Variants in UBE3D observed in about 807,000 individuals in gnomAD.
UBE3D encodes ubiquitin protein ligase E3D, also known as E3 ubiquitin-protein ligase E3D.
In UBE3D, 48 loss-of-function variants were observed where a neutral mutation model predicts 49.6. That is an observed-to-expected ratio of 0.97 (90% CI 0.77 to 1.23). The LOEUF (loss-of-function observed/expected upper bound fraction) is 1.23, where lower values mean the gene tolerates loss of function less well. UBE3D is among the 50% of genes most tolerant of loss of function. UBE3D has a pLI of 0.00. For missense variants in UBE3D, 452 were observed against 468.4 expected (o/e 0.96, Z 0.32); for synonymous variants, 189 against 174.2 (o/e 1.08, Z -0.67).
intron 5 of UBE3D, chr6:83,037,391 A>G (rs1048101269): frequency 3.3e-5 from 5 of 152,216 alleles, no homozygotes; most frequent in African/African-American, 9.7e-5. Flanking sequence ...TGACATTTTA[A>G]CAGGACTTCA....
downstream of UBE3D, among the ~76,000 whole-genome samples, chr6:82,890,989 C>G (rs891571236): frequency 6.6e-6 from 1 of 151,368 alleles, no homozygotes; most frequent in African/African-American, 2.4e-5. Flanking sequence ...AACATTAGAC[C>G]GATACAAACT....
At chr6:83,016,630 T>C (rs926515118) in intron 8 of UBE3D, among the ~76,000 whole-genome samples, 1 of 151,520 alleles carries the variant, frequency 6.6e-6, no homozygotes, top group Non-Finnish European at 1.5e-5. Flanking sequence ...AATCTTTATA[T>C]ATATGCATAT....
chr6:82,962,461 A>C (rs2127781279), intron 8 of UBE3D, among the ~76,000 whole-genome samples: 1 of 152,338 alleles, frequency 6.6e-6, no homozygotes, highest in Admixed American at 6.5e-5. Flanking sequence ...CAACCTGTCC[A>C]ATGTATCAAA....
chr6:82,978,054 C>T (rs146719222), intron 8 of UBE3D, among the ~76,000 whole-genome samples: 2 of 152,124 alleles, frequency 1.3e-5, no homozygotes, highest in East Asian at 3.9e-4. Flanking sequence ...CTCTCATGCC[C>T]CACATCTCGG....
intron 3 of UBE3D, among the ~76,000 whole-genome samples, chr6:83,051,402 A>T (rs1783459062): frequency 6.6e-6 from 1 of 152,212 alleles, no homozygotes; most frequent in Admixed American, 6.5e-5. Context: ...TGAACAGAAA[A>T]AATGGGGGCA....
intron 8 of UBE3D, among the ~76,000 whole-genome samples, chr6:82,958,147 G>C (rs1270560458): frequency 6.6e-6 from 1 of 152,094 alleles, no homozygotes; most frequent in Non-Finnish European, 1.5e-5. Flanking sequence ...GAAGTAAAGG[G>C]ATCTGTCTGA....
intron 9 of UBE3D, among the ~76,000 whole-genome samples, chr6:82,931,494 C>T (rs1413068481): frequency 6.6e-6 from 1 of 152,230 alleles, no homozygotes; most frequent in South Asian, 2.1e-4. Context: ...GGGGCTGTAC[C>T]CTGCAAAGCC....
chr6:82,915,617 C>T (rs1772862201), intron 9 of UBE3D, among the ~76,000 whole-genome samples: 1 of 152,158 alleles, frequency 6.6e-6, no homozygotes, highest in African/African-American at 2.4e-5. Context: ...TCCCGCCCAC[C>T]ACAGGTGCAA....
Position 83,065,806 on chromosome 6 carries a change from A to G in UBE3D, c.-88T>C. ...CCAGGAGAGGTTCCACGTGCGGACC[A>G]ACCAGCGGCAGCCCCGCTGCGGCGC... On this transcript the variant is annotated 5_prime_UTR_variant, in exon 1 of 10. Coordinates refer to ENST00000369747, the MANE Select transcript of UBE3D (RefSeq NM_198920.3). The G allele has an allele frequency of 1.5e-6, 2 of 1,350,684 alleles. No homozygotes were observed. Among genetic ancestry groups the G allele is most frequent in the Non-Finnish European group, 2.1e-6 (2 of 975,242 alleles). The allele number at this position is 1,350,684 out of a possible 1,614,324, so 83.7% of individuals were successfully genotyped here.
chr6:82,903,849 A>G (rs976149485), intron 9 of UBE3D, among the ~76,000 whole-genome samples: 2 of 152,158 alleles, frequency 1.3e-5, no homozygotes. Context: ...GTCATACCAC[A>G]GAGGGGAACA....
At position 83,018,952 on chromosome 6, in the gene UBE3D, GA is replaced by G. The variant is rs751790397; in HGVS notation, c.1010+20del. On this transcript the variant is annotated intron_variant, in intron 8 of 9. Transcript: ENST00000369747. ...AAAGCTAAAACATAATGTGGAAAGA[GA>G]AAACAAATGCACAACTTACTTTTCA... 2.5e-6 allele frequency: 4 copies of G among 1,610,024 alleles called. No homozygotes were observed. The South Asian group carries it at 4.4e-5, about 18-fold the overall frequency.
intron 9 of UBE3D, among the ~76,000 whole-genome samples, chr6:82,941,547 C>T (rs1582414981): frequency 6.6e-6 from 1 of 151,772 alleles, no homozygotes; most frequent in Non-Finnish European, 1.5e-5. Context: ...TTTCTAGGAG[C>T]CCCTATAAGT....
At chr6:83,008,153 G>T (rs1780106773) in intron 8 of UBE3D, among the ~76,000 whole-genome samples, 1 of 152,084 alleles carries the variant, frequency 6.6e-6, no homozygotes, top group South Asian at 2.1e-4. Flanking sequence ...ATTCTTTGTT[G>T]TGTACTGTAG....
intron 9 of UBE3D, among the ~76,000 whole-genome samples, chr6:82,911,923 A>G (rs967077319): frequency 1.3e-5 from 2 of 152,174 alleles, no homozygotes; most frequent in Non-Finnish European, 2.9e-5. Context: ...TTAATGCTGT[A>G]CCTCCTTAGA....
In UBE3D at chr6:83,012,921, C is replaced by T. The variant is rs1040597891; in HGVS notation, c.1010+6052G>A. Among the ~76,000 whole-genome samples the T allele has an allele frequency of 7.2e-5, 11 of 152,280 alleles. No homozygotes were observed. In the East Asian group the frequency reaches 1.5e-3, roughly 21 times the overall value. On this transcript the variant is annotated intron_variant, in intron 8 of 9. Coordinates refer to ENST00000369747, the MANE Select transcript of UBE3D (RefSeq NM_198920.3). The stretch of plus-strand genomic sequence containing the variant: ...CCACTTTCAGGTGGTACCCGCATAT[C>T]GTGCAGAACCATTTGTGAACTAGGC...
chr6:82,887,781 A>T (rs1330646764), downstream of UBE3D, among the ~76,000 whole-genome samples: 1 of 152,076 alleles, frequency 6.6e-6, no homozygotes, highest in Non-Finnish European at 1.5e-5. Flanking sequence ...ACTACTATGG[A>T]ACTTAAAACT....
At chr6:82,881,374 C>T in the UBE3D span, among the ~76,000 whole-genome samples, 1 of 152,088 alleles carries the variant, frequency 6.6e-6, no homozygotes, top group Non-Finnish European at 1.5e-5. Flanking sequence ...AGCAGTCAAA[C>T]TAGAATAAGA....
intron 9 of UBE3D, among the ~76,000 whole-genome samples, chr6:82,905,861 C>T (rs181391844): frequency 1.3e-5 from 2 of 152,164 alleles, no homozygotes; most frequent in African/African-American, 4.8e-5. Flanking sequence ...TTAATATATT[C>T]TCTAGTAAAG....
chr6:82,971,270 T>G (rs1035468081), intron 8 of UBE3D, among the ~76,000 whole-genome samples: 20 of 152,134 alleles, frequency 1.3e-4, no homozygotes, highest in Admixed American at 5.2e-4. Context: ...TTTACTATGT[T>G]CTATTACATT....
Sources: allele counts gnomAD v4.1 joint callset (sites outside exome capture counted in the v4.1 genomes callset), GRCh38; gene constraint gnomAD v4.1.1; transcripts MANE v1.5; gene names NCBI Gene and HGNC (gene_info 2026-07-23, HGNC 2026-07-21).